ADAMTS17: variants seen among roughly 807,000 people sequenced by gnomAD.
ADAMTS17 encodes ADAM metallopeptidase with thrombospondin type 1 motif 17, also known as A disintegrin and metalloproteinase with thrombospondin motifs 17.
A neutral mutation model predicts 141.5 loss-of-function variants in ADAMTS17; 113 were observed. The ratio of observed to expected loss-of-function variants is 0.80; its 90% CI spans 0.69 to 0.93. The LOEUF is 0.93. ADAMTS17 is among the 40% of genes least tolerant of loss of function. ADAMTS17 has a pLI of 0.00. For synonymous variants in ADAMTS17, 768 were observed against 630.6 expected (o/e 1.22, Z -3.27); for missense variants, 1,659 against 1,517.9 (o/e 1.09, Z -1.54).
intron 7 of ADAMTS17, among the ~76,000 whole-genome samples, chr15:100,235,204 G>C (rs2042617791): frequency 6.6e-6 from 1 of 152,122 alleles, no homozygotes; most frequent in Admixed American, 6.5e-5. Flanking sequence ...TGTCAGCAGT[G>C]GTGTGACCAG....
In ADAMTS17 at chr15:99,992,149, C is replaced by T. The variant is rs945676187; in HGVS notation, c.2949+899G>A. Among the ~76,000 whole-genome samples the T allele has an allele frequency of 5.3e-5, 8 of 151,962 alleles. No individual in the cohort carries two copies. In the South Asian group the frequency reaches 1.7e-3, roughly 32 times the overall value. On this transcript the variant is annotated intron_variant, in intron 20 of 21. Transcript: ENST00000268070. The stretch of plus-strand genomic sequence containing the variant: ...ACACATGTATACCTGTGTAACAAAC[C>T]TGCACTTTCTGCACATGTACCTCAG...
intron 3 of ADAMTS17, 115 bp downstream of exon 3, chr15:100,330,774 T>G: frequency 7.3e-7 from 1 of 1,371,824 alleles, no homozygotes; most frequent in Non-Finnish European, 1.0e-6. Context: ...AAACAGCTTT[T>G]GAAATATAGG....
intron 18 of ADAMTS17, among the ~76,000 whole-genome samples, chr15:100,041,474 G>A (rs2031248934): frequency 6.6e-6 from 1 of 152,190 alleles, no homozygotes; most frequent in African/African-American, 2.4e-5. Flanking sequence ...CCTTGCTCCA[G>A]GACCACCTGA....
chr15:100,023,204 A>T lies in ADAMTS17; in HGVS notation c.2592-25615T>A, dbSNP rs536659428. On this transcript the variant is annotated intron_variant, in intron 18 of 21. Coordinates refer to ENST00000268070, the MANE Select transcript of ADAMTS17 (RefSeq NM_139057.4). ...GTTTTTAGGTGAACAAAATAAAAAA[A>T]TTTTTTTTTTTTTTGAGACGGAGTT... 8.3e-3 allele frequency among the ~76,000 whole-genome samples: 1,216 copies of T among 146,204 alleles called. 13 individuals are homozygous for T. The highest frequency in any genetic ancestry group is 0.026 in the African/African-American group (1,059 of 40,068).
At chr15:100,315,232 T>C (rs1445477868) in intron 3 of ADAMTS17, among the ~76,000 whole-genome samples, 1 of 152,008 alleles carries the variant, frequency 6.6e-6, no homozygotes, top group Admixed American at 6.5e-5. Flanking sequence ...GGATAAGGAG[T>C]CCACCGTGCA....
chr15:100,143,589 G>A (rs979771028), intron 10 of ADAMTS17, among the ~76,000 whole-genome samples: 4 of 152,176 alleles, frequency 2.6e-5, no homozygotes, highest in Admixed American at 2.0e-4. Context: ...TGCAACAAAT[G>A]CCAGTTGTTG....
chr15:100,115,218 C>T (rs892583066), intron 13 of ADAMTS17, among the ~76,000 whole-genome samples: 8 of 152,194 alleles, frequency 5.3e-5, no homozygotes, highest in South Asian at 2.1e-4. Context: ...CCTGACACAG[C>T]GGGAAGCCTC....
chr15:100,108,938 G>C, intron 14 of ADAMTS17, 51 bp downstream of exon 14: 2 of 1,611,072 alleles, frequency 1.2e-6, no homozygotes, highest in Non-Finnish European at 1.7e-6. Context: ...TCTGGGGAGA[G>C]TGAGTCTCCT....
chr15:100,092,855 T>C (rs1310807377), intron 15 of ADAMTS17, among the ~76,000 whole-genome samples: 1 of 152,234 alleles, frequency 6.6e-6, no homozygotes, highest in East Asian at 1.9e-4. Flanking sequence ...AGGTGTGTCC[T>C]GGCTGTCCAT....
chr15:100,251,651 G>C (rs2043158497), intron 7 of ADAMTS17, among the ~76,000 whole-genome samples: 1 of 152,134 alleles, frequency 6.6e-6, no homozygotes, highest in Non-Finnish European at 1.5e-5. Context: ...CAGAACCCGG[G>C]AGCCAGAACC....
intron 21 of ADAMTS17, among the ~76,000 whole-genome samples, chr15:99,975,471 A>T (rs1174705470): frequency 6.6e-6 from 1 of 152,062 alleles, no homozygotes; most frequent in African/African-American, 2.4e-5. Flanking sequence ...CGGCCTCCCA[A>T]AGTGCTGGGA....
In ADAMTS17 at chr15:99,997,937, C is replaced by T. The variant is rs147315619; in HGVS notation, c.2592-348G>A. On this transcript the variant is annotated intron_variant, in intron 18 of 21. Transcript: ENST00000268070. The surrounding 1 kb of genome is among the most constrained non-coding windows in gnomAD (Gnocchi z 4.7). ...AGGGTGTGAGTGAAGAGGATGCTGG[C>T]GGCGTCCCGGCAGAAGCTCTGAATG... 2.6e-5 allele frequency among the ~76,000 whole-genome samples: 4 copies of T among 152,226 alleles called. No individual in the cohort carries two copies. Among genetic ancestry groups the T allele is most frequent in the African/African-American group, 7.2e-5 (3 of 41,534 alleles).
intron 3 of ADAMTS17, chr15:100,306,533 C>T: frequency 2.2e-6 from 1 of 456,078 alleles, no homozygotes; most frequent in Non-Finnish European, 4.4e-6. Flanking sequence ...TCACTCCAGC[C>T]TCCAGATTTC....
intron 13 of ADAMTS17, among the ~76,000 whole-genome samples, chr15:100,116,155 A>AAAAAAC (rs2037115643): frequency 6.6e-6 from 1 of 151,382 alleles, no homozygotes. Flanking sequence ...AAAAAAAAAA[A>AAAAAAC]AAACCCAACA....
Position 100,184,805 on chromosome 15 carries a change from C to G in ADAMTS17, c.1181+14513G>C, listed in dbSNP as rs560003726. Among the ~76,000 whole-genome samples, 4 of 152,184 alleles carry G rather than the reference C, an allele frequency of 2.6e-5. No homozygotes were observed. In the East Asian group the frequency reaches 7.7e-4, roughly 29 times the overall value. Reference sequence around the variant, plus strand: ...TTCCCGTAGCCCCCTGTCACAGCCCCTCTCTTCTGGGGGCCCTTCCAGAGC... The same window carrying G: ...TTCCCGTAGCCCCCTGTCACAGCCCGTCTCTTCTGGGGGCCCTTCCAGAGC... On this transcript the variant is annotated intron_variant, in intron 8 of 21. Transcript: ENST00000268070.
At chr15:100,059,433 G>C (rs905186524) in intron 15 of ADAMTS17, among the ~76,000 whole-genome samples, 1 of 149,210 alleles carries the variant, frequency 6.7e-6, no homozygotes, top group Non-Finnish European at 1.5e-5. Context: ...ATTAGCAGGA[G>C]GTCAGCAGAG....
chr15:100,211,571 G>T (rs930569991), intron 7 of ADAMTS17, among the ~76,000 whole-genome samples: 3 of 152,048 alleles, frequency 2.0e-5, no homozygotes, highest in Admixed American at 6.5e-5. Flanking sequence ...GAGTAGCAAA[G>T]AATTTTTAAA....
intron 8 of ADAMTS17, among the ~76,000 whole-genome samples, chr15:100,177,935 T>G (rs1398842795): frequency 1.3e-5 from 2 of 152,194 alleles, no homozygotes; most frequent in Non-Finnish European, 2.9e-5. Flanking sequence ...GTCATCAATC[T>G]TCTTTCCTCT....
At chr15:100,041,638 A>G (rs2031265072) in intron 18 of ADAMTS17, among the ~76,000 whole-genome samples, 4 of 152,196 alleles carry the variant, frequency 2.6e-5, no homozygotes, top group Admixed American at 2.6e-4. Flanking sequence ...ATGCCTGCCA[A>G]TGTCAGGGTC....
Sources: allele counts gnomAD v4.1 joint callset (sites outside exome capture counted in the v4.1 genomes callset), GRCh38; gene constraint gnomAD v4.1.1; non-coding constraint Gnocchi (gnomAD v3.1); transcripts MANE v1.5; gene names NCBI Gene and HGNC (gene_info 2026-07-23, HGNC 2026-07-21).